Variants in CYP2C19 observed in about 807,000 individuals in gnomAD.
The protein encoded by CYP2C19 is cytochrome P450 2C19.
Under a neutral mutation model 40.9 loss-of-function variants are expected in CYP2C19, and 59 were observed. The ratio of observed to expected loss-of-function variants is 1.44; its 90% CI spans 1.17 to 1.79. The LOEUF (loss-of-function observed/expected upper bound fraction) is 1.79. CYP2C19 is among the 40% of genes most tolerant of loss of function. The pLI is 0.00. For synonymous variants in CYP2C19, 253 were observed against 208.7 expected, an observed-to-expected ratio of 1.21 and a Z score of -1.83; for missense variants, 754 against 596.9, an observed-to-expected ratio of 1.26 and a Z score of -2.74.
chr10:94,763,999 A>C (rs555742375), intron 1 of CYP2C19, among the ~76,000 whole-genome samples: 1 of 152,152 alleles, frequency 6.6e-6, no homozygotes, highest in South Asian at 2.1e-4. Context: ...ACAGCTCTTA[A>C]AGGTGGCATG....
chr10:94,791,368 A>G (rs995608529), intron 5 of CYP2C19, among the ~76,000 whole-genome samples: 2 of 151,918 alleles, frequency 1.3e-5, no homozygotes, highest in Non-Finnish European at 2.9e-5. Context: ...TATCTCCTCC[A>G]GTTCTGCTCT....
intron 6 of CYP2C19, among the ~76,000 whole-genome samples, chr10:94,828,885 C>A (rs1038542240): frequency 6.6e-6 from 1 of 151,926 alleles, no homozygotes; most frequent in African/African-American, 2.4e-5. Flanking sequence ...TCAGCATTTG[C>A]TTGTCTGTAA....
intron 6 of CYP2C19, among the ~76,000 whole-genome samples, chr10:94,822,162 T>C (rs546686466): frequency 1.3e-5 from 2 of 152,294 alleles, no homozygotes; most frequent in South Asian, 4.1e-4. Context: ...ATGGTGTATA[T>C]ACTAGTCTGT....
intron 6 of CYP2C19, among the ~76,000 whole-genome samples, chr10:94,840,581 G>T (rs1489567772): frequency 6.6e-6 from 1 of 152,176 alleles, no homozygotes; most frequent in Middle Eastern, 3.2e-3. Context: ...GAATTTTGGG[G>T]CTACACTTTA....
chr10:94,795,234 A>C (rs1848665869), intron 5 of CYP2C19, among the ~76,000 whole-genome samples: 1 of 137,564 alleles, frequency 7.3e-6, no homozygotes, highest in African/African-American at 2.7e-5. Context: ...ATTCCCACCT[A>C]TGAGTGAGAA....
rs72816682 is a variant in CYP2C19 at position 94,823,860 on chromosome 10, A to G, written c.961+3223A>G. Among the ~76,000 whole-genome samples the G allele has an allele frequency of 3.4e-3, 524 of 152,274 alleles. 1 individual carries two copies. Among genetic ancestry groups the G allele is most frequent in the Non-Finnish European group, 6.4e-3 (436 of 68,004 alleles). On this transcript the variant is annotated intron_variant, in intron 6 of 8. Transcript: ENST00000371321. Reference sequence around the variant, plus strand: ...TTATAGAAAGTCCTGAGCTCCAGCAATCAGACCTCATATAGGACAATGAGA... The same window carrying G: ...TTATAGAAAGTCCTGAGCTCCAGCAGTCAGACCTCATATAGGACAATGAGA...
chr10:94,849,996 G>C lies in CYP2C19; in HGVS notation c.1229G>C (p.Arg410Pro), dbSNP rs367674480. 1.2e-6 allele frequency: 2 copies of C among 1,613,604 alleles called. No homozygotes were observed. The highest frequency in any genetic ancestry group is 1.7e-6 in the Non-Finnish European group (2 of 1,179,746). ...EFPNPEMFDP[R>P]HFLDEGGNFK... ...CCCAACCCAGAGATGTTTGACCCTCGTCACTTTCTGGATGAAGGTGGAAAT... is the reference window on the plus strand; with the variant it reads ...CCCAACCCAGAGATGTTTGACCCTCCTCACTTTCTGGATGAAGGTGGAAAT... The change falls in exon 8 of 9, where the codon CGT (arginine) becomes CCT (proline). Residue 410 changes from arginine to proline, a missense_variant. Transcript: ENST00000371321.
chr10:94,807,573 G>T (rs146620202), intron 5 of CYP2C19, among the ~76,000 whole-genome samples: 1 of 152,010 alleles, frequency 6.6e-6, no homozygotes, highest in Non-Finnish European at 1.5e-5. Flanking sequence ...TCTTTTTGAT[G>T]ATAGCAATTC....
At chr10:94,790,866 T>C (rs1460816238) in intron 5 of CYP2C19, among the ~76,000 whole-genome samples, 2 of 152,134 alleles carry the variant, frequency 1.3e-5, no homozygotes, top group Non-Finnish European at 2.9e-5. Context: ...TTGGTATCAG[T>C]ATGATACTGG....
chr10:94,807,737 TG>T lies in CYP2C19; in HGVS notation c.820-12758del, dbSNP rs568277562. Among the ~76,000 whole-genome samples, 34 of 152,292 alleles carry T rather than the reference TG, an allele frequency of 2.2e-4. 1 individual carries two copies. The highest frequency in any genetic ancestry group is 1.5e-3 in the Admixed American group (23 of 15,286). On this transcript the variant is annotated intron_variant, in intron 5 of 8. Transcript: ENST00000371321. ...TTACCCATATTTTAATTGTAGTATTTGTTTTTTTGTTTCTGTTGAATTGTTT... is the reference window on the plus strand; with the variant it reads ...TTACCCATATTTTAATTGTAGTATTTTTTTTTTGTTTCTGTTGAATTGTTT...
intron 5 of CYP2C19, among the ~76,000 whole-genome samples, chr10:94,801,639 A>T (rs147794547): frequency 6.6e-6 from 1 of 152,276 alleles, no homozygotes; most frequent in East Asian, 1.9e-4. Flanking sequence ...CAAGTCCTGA[A>T]AATCCTTGTT....
chr10:94,794,474 G>A (rs888874027), intron 5 of CYP2C19, among the ~76,000 whole-genome samples: 6 of 151,894 alleles, frequency 4.0e-5, no homozygotes, highest in South Asian at 4.2e-4. Context: ...CTTCCTATTC[G>A]GCCACCTTGG....
chr10:94,830,656 C>T (rs904286553), intron 6 of CYP2C19, among the ~76,000 whole-genome samples: 16 of 152,194 alleles, frequency 1.1e-4, no homozygotes, highest in Non-Finnish European at 2.1e-4. Context: ...AGAGCTGTTC[C>T]TATTCAGCCA....
rs1280222346 is a variant in CYP2C19, at chr10:94,842,924, C to T, written c.1049C>T (p.Ala350Val). 1 of 1,614,222 alleles carries T rather than the reference C, an allele frequency of 6.2e-7. No homozygotes were observed. Among genetic ancestry groups the T allele is most frequent in the Non-Finnish European group, 8.5e-7 (1 of 1,180,030 alleles). ...QDRGHMPYTD[A>V]VVHEVQRYID... ...AGGGGCCACATGCCCTACACAGATG[C>T]TGTGGTGCACGAGGTCCAGAGATAC... Residue 350 changes from alanine to valine, a missense_variant, in exon 7 of 9, where the codon GCT becomes GTT. By Grantham distance (64) the Ala-to-Val change is moderately conservative. Transcript: ENST00000371321.
intron 6 of CYP2C19, among the ~76,000 whole-genome samples, chr10:94,839,258 G>T (rs1005881752): frequency 1.3e-5 from 2 of 151,834 alleles, no homozygotes; most frequent in Non-Finnish European, 2.9e-5. Flanking sequence ...GATTCTAGTG[G>T]TCCTTTACCA....
intron 6 of CYP2C19, among the ~76,000 whole-genome samples, chr10:94,840,685 G>A (rs750188614): frequency 7.9e-5 from 12 of 152,326 alleles, no homozygotes; most frequent in South Asian, 2.1e-4. Flanking sequence ...TTCTGGCTGC[G>A]CCATGATCTC....
intron 8 of CYP2C19, among the ~76,000 whole-genome samples, chr10:94,850,758 G>T (rs990925066): frequency 6.6e-6 from 1 of 152,186 alleles, no homozygotes; most frequent in Non-Finnish European, 1.5e-5. Flanking sequence ...ACAGGAGCAG[G>T]ATATTGGCTC....
intron 5 of CYP2C19, among the ~76,000 whole-genome samples, chr10:94,787,188 A>C (rs1366057163): frequency 1.3e-5 from 2 of 152,090 alleles, no homozygotes; most frequent in Non-Finnish European, 2.9e-5. Flanking sequence ...AATCATATCC[A>C]TTCTGACTGG....
intron 7 of CYP2C19, among the ~76,000 whole-genome samples, chr10:94,849,437 A>G (rs965214039): frequency 4.6e-5 from 7 of 152,230 alleles, no homozygotes; most frequent in African/African-American, 1.4e-4. Context: ...GAGAAAAAAA[A>G]AGAAAAGAAT....
Sources: allele counts gnomAD v4.1 joint callset (sites outside exome capture counted in the v4.1 genomes callset), GRCh38; gene constraint gnomAD v4.1.1; transcripts MANE v1.5; gene names NCBI Gene and HGNC (gene_info 2026-07-23, HGNC 2026-07-21).